Variants in FRK observed in about 807,000 individuals in gnomAD.
FRK encodes tyrosine-protein kinase FRK.
FRK carries 51 observed loss-of-function variants against 56.4 expected under a neutral mutation model. That is an observed-to-expected ratio of 0.90 (90% confidence interval 0.72 to 1.14). The LOEUF (loss-of-function observed/expected upper bound fraction) is 1.14, where lower values mean the gene tolerates loss of function less well. Ranked by LOEUF, FRK falls within the 50% of genes most tolerant of loss-of-function variation. The probability of loss-of-function intolerance (pLI) is 0.00; values close to 1 mark genes in which losing one functional copy is unlikely to be tolerated. For missense variants in FRK, 570 were observed against 601.4 expected (o/e 0.95, Z 0.55); for synonymous variants, 245 against 217.9 (o/e 1.12, Z -1.10).
chr6:115,969,215 A>G (rs1316664808), intron 2 of FRK, among the ~76,000 whole-genome samples: 1 of 152,196 alleles, frequency 6.6e-6, no homozygotes, highest in East Asian at 1.9e-4. Context: ...AGTGTGCTCA[A>G]TACCGTCTTA....
At chr6:116,084,150 C>T in the FRK span, among the ~76,000 whole-genome samples, 1 of 152,164 alleles carries the variant, frequency 6.6e-6, no homozygotes, top group Non-Finnish European at 1.5e-5. Flanking sequence ...ACTAACTACT[C>T]ATCGAATGGT....
intron 1 of FRK, among the ~76,000 whole-genome samples, chr6:116,046,027 C>A (rs568537570): frequency 1.2e-4 from 19 of 152,156 alleles, no homozygotes; most frequent in Admixed American, 1.0e-3. Flanking sequence ...ATGCAACCAA[C>A]AAACATATGA....
At chr6:115,942,724 T>C in intron 7 of FRK, 99 bp from the exon 8 acceptor site, 1 of 1,049,636 alleles carries the variant, frequency 9.5e-7, no homozygotes, top group Non-Finnish European at 1.4e-6. Flanking sequence ...ACTAAGTAAG[T>C]CAATTTCTTT....
At chr6:115,978,502 C>T (rs891696756) in intron 2 of FRK, among the ~76,000 whole-genome samples, 1 of 152,170 alleles carries the variant, frequency 6.6e-6, no homozygotes, top group Non-Finnish European at 1.5e-5. Context: ...CTGTGCCTTT[C>T]TAGCGCTCAC....
Position 116,044,635 on chromosome 6 carries a change from C to T in FRK, c.344+15333G>A, listed in dbSNP as rs180932460. ...AACCCACAGCCAATATCATACTGAA[C>T]GGGCAAAAGCTGGAAGCATTCCCTT... On this transcript the variant is annotated intron_variant, in intron 1 of 7. Transcript: ENST00000606080. 3.0e-3 allele frequency among the ~76,000 whole-genome samples: 453 copies of T among 152,092 alleles called. 4 individuals carry two copies. Among genetic ancestry groups the T allele is most frequent in the African/African-American group, 0.011 (436 of 41,500 alleles).
chr6:116,025,201 G>T (rs1411233511), intron 1 of FRK, among the ~76,000 whole-genome samples: 1 of 152,134 alleles, frequency 6.6e-6, no homozygotes, highest in Admixed American at 6.6e-5. Context: ...GACTGCCATT[G>T]CTTCTTTGTT....
intron 1 of FRK, among the ~76,000 whole-genome samples, chr6:116,027,331 A>C (rs1204851658): frequency 5.9e-5 from 9 of 152,196 alleles, no homozygotes; most frequent in African/African-American, 2.2e-4. Context: ...GACAGAAGAA[A>C]ATACTTATAA....
intron 2 of FRK, among the ~76,000 whole-genome samples, chr6:115,997,693 A>G (rs1012229779): frequency 6.6e-6 from 1 of 152,096 alleles, no homozygotes; most frequent in East Asian, 1.9e-4. Context: ...TCTTCTAGAT[A>G]TTTCTCACCT....
chr6:116,081,515 G>A, the FRK span, among the ~76,000 whole-genome samples: 584 of 152,106 alleles, frequency 3.8e-3, 1 homozygote, highest in Non-Finnish European at 6.2e-3. Flanking sequence ...AAAATTAGCC[G>A]GGTGTGGTTG....
intron 4 of FRK, among the ~76,000 whole-genome samples, chr6:115,957,397 C>T (rs1773043718): frequency 6.6e-6 from 1 of 152,208 alleles, no homozygotes; most frequent in Non-Finnish European, 1.5e-5. Context: ...CTGGAGTTTA[C>T]ATTTCATCAG....
At chr6:115,993,795 TTAATC>T (rs1774713557) in intron 2 of FRK, among the ~76,000 whole-genome samples, 1 of 152,002 alleles carries the variant, frequency 6.6e-6, no homozygotes, top group Non-Finnish European at 1.5e-5. Context: ...CTCACAAACT[TTAATC>T]TATTATTCTT....
At chr6:116,079,860 C>T in the FRK span, among the ~76,000 whole-genome samples, 1 of 152,112 alleles carries the variant, frequency 6.6e-6, no homozygotes, top group Non-Finnish European at 1.5e-5. Context: ...AGGTGTGAGC[C>T]ACTCTCCTTG....
chr6:116,089,028 C>T, the FRK span, among the ~76,000 whole-genome samples: 1 of 152,116 alleles, frequency 6.6e-6, no homozygotes, highest in Non-Finnish European at 1.5e-5. Context: ...GGAATCAATA[C>T]ATGAGGCAAA....
intron 1 of FRK, among the ~76,000 whole-genome samples, chr6:116,007,856 C>T (rs529093761): frequency 7.3e-4 from 110 of 150,406 alleles, no homozygotes; most frequent in African/African-American, 2.6e-3. Flanking sequence ...AGAAACAATA[C>T]AGCATTTGAA....
intron 4 of FRK, among the ~76,000 whole-genome samples, chr6:115,962,444 A>G (rs1169942357): frequency 7.6e-6 from 1 of 131,204 alleles, no homozygotes; most frequent in Non-Finnish European, 1.6e-5. Flanking sequence ...CACATTAATA[A>G]TGGGAGACTT....
intron 1 of FRK, among the ~76,000 whole-genome samples, chr6:116,035,806 C>T (rs953819606): frequency 2.6e-5 from 4 of 151,880 alleles, no homozygotes; most frequent in Non-Finnish European, 5.9e-5. Flanking sequence ...AACAACTACC[C>T]GTAAATAAAT....
the FRK span, among the ~76,000 whole-genome samples, chr6:116,099,274 A>G: frequency 6.6e-6 from 1 of 152,212 alleles, no homozygotes; most frequent in Non-Finnish European, 1.5e-5. Flanking sequence ...TCCCTCTTAC[A>G]ATGAATGTAC....
chr6:115,956,661 C>A, intron 4 of FRK, 51 bp from the exon 5 acceptor site: 1 of 1,376,986 alleles, frequency 7.3e-7, no homozygotes, highest in Non-Finnish European at 9.7e-7. Context: ...GCATTCCTAT[C>A]CTCACAGCAG....
chr6:116,024,843 T>C (rs1039984138), intron 1 of FRK, among the ~76,000 whole-genome samples: 6 of 152,174 alleles, frequency 3.9e-5, no homozygotes, highest in African/African-American at 1.4e-4. Flanking sequence ...ATCACCACAC[T>C]GACTTCCACA....
Sources: gnomAD v4.1 joint callset for allele counts (sites outside exome capture counted in the v4.1 genomes callset) on GRCh38, gnomAD v4.1.1 for gene constraint, MANE v1.5 for transcripts, NCBI Gene and HGNC (gene_info 2026-07-23, HGNC 2026-07-21) for gene names.